Variants in OSBPL10 observed in about 807,000 individuals in gnomAD.
OSBPL10 encodes oxysterol binding protein like 10.
OSBPL10 carries 49 observed loss-of-function variants against 81.7 expected under a neutral mutation model. That is an observed-to-expected ratio of 0.60 (90% CI 0.48 to 0.76). The LOEUF (loss-of-function observed/expected upper bound fraction) is 0.76. Ranked by LOEUF, OSBPL10 falls within the 30% of genes least tolerant of loss-of-function variation. OSBPL10 has a pLI of 0.00. For synonymous variants in OSBPL10, 419 were observed against 383.6 expected (o/e 1.09, Z -1.08); for missense variants, 923 against 987.8 (o/e 0.93, Z 0.88).
At chr3:31,975,102 G>T (rs1361073211) in intron 1 of OSBPL10, among the ~76,000 whole-genome samples, 1 of 152,122 alleles carries the variant, frequency 6.6e-6, no homozygotes, top group Non-Finnish European at 1.5e-5. Context: ...GATTCTGCAG[G>T]GAGTAGTTAA....
chr3:31,715,331 G>A (rs1321984758), intron 6 of OSBPL10, among the ~76,000 whole-genome samples: 1 of 152,182 alleles, frequency 6.6e-6, no homozygotes, highest in Non-Finnish European at 1.5e-5. Context: ...GGAGAGTGGT[G>A]CTCTAACTTT....
At chr3:31,790,968 C>A (rs982701040) in intron 4 of OSBPL10, among the ~76,000 whole-genome samples, 2 of 152,138 alleles carry the variant, frequency 1.3e-5, no homozygotes, top group African/African-American at 4.8e-5. Flanking sequence ...GATTCCCTGG[C>A]TGGCTGGCAT....
At chr3:31,981,413 G>C, upstream of OSBPL10, 1 of 600,064 alleles carries the variant, frequency 1.7e-6, no homozygotes, top group Non-Finnish European at 2.4e-6. The surrounding 1 kb of genome is among the most constrained non-coding windows in gnomAD (Gnocchi z 4.5). Flanking sequence ...GCCAGGGCCC[G>C]GCCCCTCCCT....
At chr3:32,009,003 G>A (rs1036533953) in intron 2 of OSBPL10, among the ~76,000 whole-genome samples, 1 of 152,194 alleles carries the variant, frequency 6.6e-6, no homozygotes, top group Non-Finnish European at 1.5e-5. Flanking sequence ...AACTGGGGAT[G>A]AGCCAGGAAG....
At chr3:31,904,167 C>A (rs1383782224) in intron 1 of OSBPL10, among the ~76,000 whole-genome samples, 1 of 152,168 alleles carries the variant, frequency 6.6e-6, no homozygotes, top group Non-Finnish European at 1.5e-5. Flanking sequence ...TCTTCCTTGC[C>A]CACTTTAATC....
At chr3:31,678,087 C>CAAAAAAAAAAAAAA (rs1174037204) in intron 8 of OSBPL10, among the ~76,000 whole-genome samples, 10 of 76,650 alleles carry the variant, frequency 1.3e-4, no homozygotes, top group African/African-American at 4.9e-4. Flanking sequence ...GACTCCGTCT[C>CAAAAAAAAAAAAAA]AAAAAAAAAA....
At chr3:32,022,521 C>T (rs962838775) in intron 2 of OSBPL10, among the ~76,000 whole-genome samples, 18 of 152,158 alleles carry the variant, frequency 1.2e-4, no homozygotes, top group Admixed American at 2.0e-4. Flanking sequence ...CATGGTGGCT[C>T]ACGCCTGTAA....
chr3:31,862,644 G>A (rs550996691), intron 3 of OSBPL10, among the ~76,000 whole-genome samples: 18 of 152,142 alleles, frequency 1.2e-4, no homozygotes, highest in Middle Eastern at 3.4e-3. Flanking sequence ...GTATTTCTCC[G>A]AAGAGTATAT....
chr3:31,977,917 T>G (rs1338131133), intron 1 of OSBPL10, among the ~76,000 whole-genome samples: 1 of 152,216 alleles, frequency 6.6e-6, no homozygotes, highest in South Asian at 2.1e-4. Flanking sequence ...CTGAACTTAC[T>G]CTCCTGAGTT....
chr3:31,911,622 AT>A (rs1696580975), intron 1 of OSBPL10, among the ~76,000 whole-genome samples: 2 of 151,926 alleles, frequency 1.3e-5, no homozygotes, highest in African/African-American at 2.4e-5. Flanking sequence ...TTAAAAAAAA[AT>A]CTCAAAAAAA....
intron 3 of OSBPL10, among the ~76,000 whole-genome samples, chr3:31,840,171 T>A (rs1575577243): frequency 6.6e-6 from 1 of 152,066 alleles, no homozygotes; most frequent in African/African-American, 2.4e-5. Flanking sequence ...CTATAAATGA[T>A]CACTCTGGAA....
chr3:31,828,559 G>T (rs1700154095), intron 4 of OSBPL10, among the ~76,000 whole-genome samples: 2 of 152,174 alleles, frequency 1.3e-5, no homozygotes, highest in South Asian at 4.1e-4. Context: ...CTGAGACACA[G>T]TCTCACTCTG....
Position 31,670,943 on chromosome 3 carries a change from G to A in OSBPL10, c.1767C>T (p.Phe589=). Residue 589 remains phenylalanine (F), a synonymous_variant, in exon 9 of 12, where the codon TTC becomes TTT. Coordinates refer to ENST00000396556, the MANE Select transcript of OSBPL10 (RefSeq NM_017784.5). ...RLLEHGEEYV[F]TLPSAYARSI... is the part of the protein sequence containing the mutation. The stretch of plus-strand genomic sequence containing the variant: ...ACCGGGCGTAGGCACTAGGCAGGGT[G>A]AATACGTACTCCTCCCCGTGTTCCA... 3 of 1,613,972 alleles carry A rather than the reference G, an allele frequency of 1.9e-6. No homozygotes were observed. Among genetic ancestry groups the A allele is most frequent in the Non-Finnish European group, 1.7e-6 (2 of 1,179,946 alleles).
At chr3:31,977,625 C>CA (rs1698726284) in intron 1 of OSBPL10, among the ~76,000 whole-genome samples, 1 of 152,188 alleles carries the variant, frequency 6.6e-6, no homozygotes, top group Non-Finnish European at 1.5e-5. Flanking sequence ...GCAGTAAAAA[C>CA]ACTAGACTCA....
chr3:31,934,608 T>C (rs931609938), intron 1 of OSBPL10, among the ~76,000 whole-genome samples: 3 of 151,918 alleles, frequency 2.0e-5, no homozygotes, highest in African/African-American at 4.8e-5. Flanking sequence ...GGTTTCACCA[T>C]GTTTCCCAAG....
intron 1 of OSBPL10, among the ~76,000 whole-genome samples, chr3:31,921,078 AGAG>A (rs746155787): frequency 2.6e-5 from 4 of 152,212 alleles, no homozygotes; most frequent in Non-Finnish European, 5.9e-5. Context: ...ACGATAAACT[AGAG>A]GAGGAATCTA....
intron 1 of OSBPL10, among the ~76,000 whole-genome samples, chr3:31,957,641 G>T (rs759118469): frequency 3.3e-5 from 5 of 152,110 alleles, no homozygotes; most frequent in Middle Eastern, 3.4e-3. Context: ...TTGTTTGTTT[G>T]TTTTGGTTTG....
At position 31,684,002 on chromosome 3, in the gene OSBPL10, T is replaced by A. The variant is rs752767455; in HGVS notation, c.1358A>T (p.Glu453Val). 2.5e-6 allele frequency: 4 copies of A among 1,614,138 alleles called. No individual in the cohort carries two copies. The highest frequency in any genetic ancestry group is 3.4e-6 in the Non-Finnish European group (4 of 1,180,026). ...LAITAGATPE[E>V]RVICFVEYYL... ...ATACTCAACGAAGCAAATGACTCTCTCCTCTGGTGTGGCCCCAGCGGTGAT... is the reference window on the plus strand; with the variant it reads ...ATACTCAACGAAGCAAATGACTCTCACCTCTGGTGTGGCCCCAGCGGTGAT... The change falls in exon 8 of 12, where the codon GAG becomes GTG. Residue 453 changes from glutamate (E) to valine (V), a missense_variant. This residue lies in a region of OSBPL10 where 387 missense variants were observed against 436.3 expected (regional missense o/e 0.89). Coordinates refer to ENST00000396556, the MANE Select transcript of OSBPL10 (RefSeq NM_017784.5).
At chr3:32,050,152 G>A (rs1461370578) in intron 1 of OSBPL10, among the ~76,000 whole-genome samples, 14 of 152,078 alleles carry the variant, frequency 9.2e-5, no homozygotes, top group Non-Finnish European at 5.9e-5. Flanking sequence ...CTTGATCTTC[G>A]CCATCTGGAG....
Sources: allele counts gnomAD v4.1 joint callset (sites outside exome capture counted in the v4.1 genomes callset), GRCh38; gene constraint gnomAD v4.1.1; regional missense constraint gnomAD v4.1.1; non-coding constraint Gnocchi (gnomAD v3.1); transcripts MANE v1.5; gene names NCBI Gene and HGNC (gene_info 2026-07-23, HGNC 2026-07-21).